Variants in SAMMSON observed in about 807,000 individuals in gnomAD.
SAMMSON encodes survival associated mitochondrial melanoma specific oncogenic non-coding RNA.
chr3:70,176,501 T>G (rs1282072197), intron 4 of SAMMSON, among the ~76,000 whole-genome samples: 1 of 152,178 alleles, frequency 6.6e-6, no homozygotes, highest in Non-Finnish European at 1.5e-5. Context: ...AATGTGAAAT[T>G]TGGAATTTTC....
intron 4 of SAMMSON, among the ~76,000 whole-genome samples, chr3:70,092,286 T>C (rs1286698739): frequency 2.6e-5 from 4 of 152,076 alleles, no homozygotes; most frequent in Admixed American, 2.0e-4. Flanking sequence ...ATAGTAGATA[T>C]ATATGTATTC....
At chr3:70,269,903 C>T (rs1359725068) in intron 6 of SAMMSON, among the ~76,000 whole-genome samples, 4 of 152,054 alleles carry the variant, frequency 2.6e-5, no homozygotes, top group Non-Finnish European at 5.9e-5. Context: ...AATTACTATT[C>T]TTAAGTGACA....
chr3:70,397,848 A>G (rs1197454370), intron 2 of SAMMSON, among the ~76,000 whole-genome samples: 2 of 152,212 alleles, frequency 1.3e-5, no homozygotes, highest in African/African-American at 2.4e-5. Flanking sequence ...GATATATTAG[A>G]CAAACTATAA....
chr3:70,010,602 G>T (rs894046984), intron 1 of SAMMSON, among the ~76,000 whole-genome samples: 9 of 152,126 alleles, frequency 5.9e-5, no homozygotes, highest in African/African-American at 1.9e-4. Context: ...TAACCTATTT[G>T]TAATTTCAGC....
chr3:70,161,570 A>G (rs2067615374), intron 4 of SAMMSON, among the ~76,000 whole-genome samples: 1 of 151,820 alleles, frequency 6.6e-6, no homozygotes, highest in Non-Finnish European at 1.5e-5. Flanking sequence ...GTTTGCTAAC[A>G]TTTTGTTGAG....
chr3:70,305,108 C>A (rs1302752816), intron 7 of SAMMSON, among the ~76,000 whole-genome samples: 1 of 152,184 alleles, frequency 6.6e-6, no homozygotes, highest in African/African-American at 2.4e-5. Flanking sequence ...TCATGCCAAT[C>A]TCTATCACAA....
chr3:70,364,993 T>C (rs1196603422), intron 9 of SAMMSON, among the ~76,000 whole-genome samples: 3 of 151,806 alleles, frequency 2.0e-5, no homozygotes, highest in East Asian at 3.9e-4. Flanking sequence ...TATTTTTTTT[T>C]CTGGGATATC....
intron 4 of SAMMSON, among the ~76,000 whole-genome samples, chr3:70,235,591 G>T (rs954345213): frequency 2.0e-5 from 3 of 152,134 alleles, no homozygotes; most frequent in Non-Finnish European, 2.9e-5. Context: ...CTCTGTCCTT[G>T]TCTTCTTTAA....
chr3:70,149,938 T>C (rs1315518331), intron 4 of SAMMSON, among the ~76,000 whole-genome samples: 5 of 152,098 alleles, frequency 3.3e-5, no homozygotes, highest in African/African-American at 1.2e-4. Context: ...TATTAGTCCA[T>C]TTAAGAAGGC....
At chr3:70,305,526 G>A (rs1227511904) in intron 7 of SAMMSON, among the ~76,000 whole-genome samples, 1 of 152,126 alleles carries the variant, frequency 6.6e-6, no homozygotes, top group Non-Finnish European at 1.5e-5. Context: ...TTAATATTTA[G>A]TTATTATAAT....
At chr3:70,060,103 G>A (rs961319089) in intron 3 of SAMMSON, among the ~76,000 whole-genome samples, 1 of 152,116 alleles carries the variant, frequency 6.6e-6, no homozygotes, top group African/African-American at 2.4e-5. Flanking sequence ...AAAGGAAGAA[G>A]AAAATTGGGA....
chr3:70,233,606 A>G (rs1701581510), intron 4 of SAMMSON, among the ~76,000 whole-genome samples: 1 of 152,202 alleles, frequency 6.6e-6, no homozygotes, highest in Non-Finnish European at 1.5e-5. Context: ...CATTTCCATC[A>G]TACCCTCTGC....
At chr3:70,280,361 G>C (rs980777118) in intron 6 of SAMMSON, among the ~76,000 whole-genome samples, 1 of 152,112 alleles carries the variant, frequency 6.6e-6, no homozygotes, top group African/African-American at 2.4e-5. Context: ...AATATGTACA[G>C]GTTCCAGGAA....
At chr3:70,176,303 A>T (rs937479927) in intron 4 of SAMMSON, among the ~76,000 whole-genome samples, 11 of 152,150 alleles carry the variant, frequency 7.2e-5, no homozygotes, top group African/African-American at 2.7e-4. Flanking sequence ...AACCCAAGAA[A>T]TGTACTTGAA....
chr3:70,177,925 G>A (rs561704057), intron 4 of SAMMSON, among the ~76,000 whole-genome samples: 8 of 152,256 alleles, frequency 5.3e-5, no homozygotes, highest in South Asian at 2.1e-4. Flanking sequence ...ATATATGTGC[G>A]TGTTTGTATG....
At chr3:70,418,421 T>C (rs1438508845) in intron 2 of SAMMSON, among the ~76,000 whole-genome samples, 2 of 152,196 alleles carry the variant, frequency 1.3e-5, no homozygotes, top group African/African-American at 4.8e-5. Flanking sequence ...GGGGTGGATG[T>C]CAGGGCATCT....
chr3:70,000,636 CAAATTCAAGTCTGTTTATTTTGTTTG>C (rs1473912660), intron 1 of SAMMSON, among the ~76,000 whole-genome samples: 2 of 152,126 alleles, frequency 1.3e-5, no homozygotes, highest in Admixed American at 6.6e-5. Flanking sequence ...TATTAGTTAA[CAAATTCAAGTCTGTTTATTTTGTTTG>C]AAATTCCACT....
intron 4 of SAMMSON, among the ~76,000 whole-genome samples, chr3:70,224,559 T>C (rs1383209913): frequency 1.3e-5 from 2 of 152,144 alleles, no homozygotes; most frequent in Non-Finnish European, 2.9e-5. Flanking sequence ...ACACTATAAT[T>C]TCCGCAATGC....
intron 4 of SAMMSON, among the ~76,000 whole-genome samples, chr3:70,218,007 G>A (rs533478349): frequency 6.6e-5 from 10 of 152,156 alleles, no homozygotes; most frequent in Non-Finnish European, 1.0e-4. Context: ...TCACAGGAGC[G>A]AGGGAACAGA....
Sources: allele counts gnomAD v4.1 joint callset (sites outside exome capture counted in the v4.1 genomes callset), GRCh38; gene constraint gnomAD v4.1.1; transcripts MANE v1.5; gene names NCBI Gene and HGNC (gene_info 2026-07-23, HGNC 2026-07-21).